Variants in ZSWIM6 observed in about 807,000 individuals in gnomAD.
ZSWIM6 encodes zinc finger SWIM domain-containing protein 6.
Under a neutral mutation model 113.2 loss-of-function variants are expected in ZSWIM6, and 9 were observed. The observed-to-expected ratio is 0.08, with a 90% CI of 0.05 to 0.14. The LOEUF (loss-of-function observed/expected upper bound fraction) is 0.14. ZSWIM6 is among the 10% of genes least tolerant of loss of function. The pLI is 1.00. For missense variants in ZSWIM6, 1,162 were observed against 1,552.2 expected (o/e 0.75, Z 4.22); for synonymous variants, 611 against 606.5 (o/e 1.01, Z -0.11).
At chr5:61,407,863 T>G (rs1344056746) in intron 1 of ZSWIM6, among the ~76,000 whole-genome samples, 2 of 152,188 alleles carry the variant, frequency 1.3e-5, no homozygotes, top group African/African-American at 4.8e-5. Context: ...GACAGCCTGA[T>G]TTGCATGAGG....
intron 4 of ZSWIM6, among the ~76,000 whole-genome samples, chr5:61,518,035 A>G (rs1255735091): frequency 2.0e-5 from 3 of 146,966 alleles, no homozygotes; most frequent in Non-Finnish European, 3.0e-5. Context: ...GAGAACATGC[A>G]GTGTTTGATT....
At chr5:61,431,372 CAAAAAAAAAAAA>C (rs397881994) in intron 1 of ZSWIM6, among the ~76,000 whole-genome samples, 836 of 44,562 alleles carry the variant, frequency 0.019, 19 homozygotes, top group African/African-American at 0.076. Context: ...ACTCCATCTC[CAAAAAAAAAAAA>C]AAAAAAAAAA....
chr5:61,366,476 A>G (rs1037377169), intron 1 of ZSWIM6, among the ~76,000 whole-genome samples: 5 of 152,278 alleles, frequency 3.3e-5, no homozygotes, highest in African/African-American at 1.2e-4. Flanking sequence ...ACTAGATGTT[A>G]CAATGTCCAC....
chr5:61,351,492 A>G (rs941411764), intron 1 of ZSWIM6, among the ~76,000 whole-genome samples: 9 of 152,238 alleles, frequency 5.9e-5, no homozygotes, highest in African/African-American at 1.9e-4. Context: ...TTTCATTAAT[A>G]AATGAAGAGA....
chr5:61,492,690 T>G (rs1335833477), intron 3 of ZSWIM6, among the ~76,000 whole-genome samples: 1 of 152,146 alleles, frequency 6.6e-6, no homozygotes, highest in Non-Finnish European at 1.5e-5. Flanking sequence ...TTTATAGGAA[T>G]ACTGAAGTAA....
chr5:61,489,800 T>C (rs1411371365), intron 2 of ZSWIM6, among the ~76,000 whole-genome samples: 2 of 151,998 alleles, frequency 1.3e-5, no homozygotes, highest in Non-Finnish European at 2.9e-5. Context: ...TGAATGAACA[T>C]ACACTTTTTC....
intron 1 of ZSWIM6, among the ~76,000 whole-genome samples, chr5:61,367,255 CTT>C (rs1206984095): frequency 6.6e-6 from 1 of 151,950 alleles, no homozygotes; most frequent in Non-Finnish European, 1.5e-5. Flanking sequence ...TGCCTTTTTT[CTT>C]TTTCTTTTTT....
intron 1 of ZSWIM6, among the ~76,000 whole-genome samples, chr5:61,415,992 T>C (rs748728972): frequency 2.6e-5 from 4 of 152,218 alleles, no homozygotes; most frequent in Admixed American, 1.3e-4. Context: ...CTGATGTTAC[T>C]ATAAAACCAA....
At chr5:61,432,378 AG>A (rs1746604031) in intron 1 of ZSWIM6, among the ~76,000 whole-genome samples, 1 of 152,250 alleles carries the variant, frequency 6.6e-6, no homozygotes, top group African/African-American at 2.4e-5. Context: ...GACCAAAAAC[AG>A]TAGATGAGCA....
At chr5:61,525,326 C>T (rs1440035166) in intron 5 of ZSWIM6, among the ~76,000 whole-genome samples, 4 of 152,150 alleles carry the variant, frequency 2.6e-5, no homozygotes, top group African/African-American at 4.8e-5. Flanking sequence ...AAGCACAACC[C>T]TTATGCATAT....
At chr5:61,417,739 C>G (rs187565259) in intron 1 of ZSWIM6, among the ~76,000 whole-genome samples, 1 of 152,272 alleles carries the variant, frequency 6.6e-6, no homozygotes, top group South Asian at 2.1e-4. Context: ...GAATGCATGT[C>G]TTTTTCTATA....
intron 4 of ZSWIM6, among the ~76,000 whole-genome samples, chr5:61,503,235 C>T (rs1431561381): frequency 6.6e-6 from 1 of 152,110 alleles, no homozygotes; most frequent in African/African-American, 2.4e-5. Context: ...AATAACTGGT[C>T]TTAGGGCTAT....
chr5:61,536,049 A>G (rs1749563330), intron 10 of ZSWIM6, among the ~76,000 whole-genome samples: 1 of 152,354 alleles, frequency 6.6e-6, no homozygotes, highest in East Asian at 1.9e-4. Flanking sequence ...TCAGTAGTGC[A>G]GGAAAGCAAC....
At position 61,544,225 on chromosome 5, in the gene ZSWIM6, C is replaced by G; in HGVS notation, c.3556C>G (p.His1186Asp). The G allele has an allele frequency of 1.3e-6, 2 of 1,551,274 alleles. No individual in the cohort carries two copies. Among genetic ancestry groups the G allele is most frequent in the Non-Finnish European group, 1.7e-6 (2 of 1,146,912 alleles). ...GACCTTCTTAATGGCGCATGATGGA[C>G]ACATTCAGTTTACACAGTTTATTGA... ...RETFLMAHDG[H>D]IQFTQFIDNL... The change falls in exon 14 of 14, where the codon CAC (histidine) becomes GAC (aspartate). Residue 1186 changes from histidine (H) to aspartate (D), a missense_variant. Around this residue, in one of 4 missense-constraint regions of ZSWIM6, gnomAD observed 113 missense variants for 213.8 expected, o/e 0.53. Transcript: ENST00000252744.
chr5:61,469,378 C>T (rs1747512850), intron 1 of ZSWIM6, among the ~76,000 whole-genome samples: 1 of 152,148 alleles, frequency 6.6e-6, no homozygotes, highest in Non-Finnish European at 1.5e-5. Flanking sequence ...ATTCATAAAA[C>T]ACCGTAATCT....
intron 2 of ZSWIM6, among the ~76,000 whole-genome samples, chr5:61,473,821 C>T (rs1376239626): frequency 7.2e-5 from 11 of 152,104 alleles, no homozygotes; most frequent in Non-Finnish European, 1.2e-4. Context: ...TGGGACCTAA[C>T]GTTACATTTC....
intron 4 of ZSWIM6, among the ~76,000 whole-genome samples, chr5:61,519,754 A>T (rs1021311389): frequency 6.6e-6 from 1 of 152,088 alleles, no homozygotes; most frequent in Admixed American, 6.6e-5. Flanking sequence ...ATACTCTTAC[A>T]TAGCAGTCCC....
chr5:61,344,266 T>G (rs1744609540), intron 1 of ZSWIM6, among the ~76,000 whole-genome samples: 1 of 152,194 alleles, frequency 6.6e-6, no homozygotes, highest in African/African-American at 2.4e-5. Context: ...CTTGTGTAAT[T>G]TTTGTCTGAT....
chr5:61,392,966 T>C (rs1331164721), intron 1 of ZSWIM6, among the ~76,000 whole-genome samples: 3 of 152,068 alleles, frequency 2.0e-5, no homozygotes, highest in Non-Finnish European at 2.9e-5. Flanking sequence ...TGTTAATGAA[T>C]ATGATCTAAA....
Sources: gnomAD v4.1 joint callset for allele counts (sites outside exome capture counted in the v4.1 genomes callset) on GRCh38, gnomAD v4.1.1 for gene constraint, gnomAD v4.1.1 regional missense constraint, MANE v1.5 for transcripts, NCBI Gene and HGNC (gene_info 2026-07-23, HGNC 2026-07-21) for gene names.